The following UBE2J1 variants were observed in gnomAD, a reference collection of about 807,000 sequenced individuals.
UBE2J1 encodes ubiquitin-conjugating enzyme E2 J1.
In UBE2J1, 17 loss-of-function variants were observed where a neutral mutation model predicts 42.1. That is an observed-to-expected ratio of 0.40 (90% CI 0.28 to 0.61). The LOEUF is 0.61. UBE2J1 is among the 20% of genes least tolerant of loss of function. UBE2J1 has a pLI of 0.38. For synonymous variants in UBE2J1, 127 were observed against 137.2 expected, an observed-to-expected ratio of 0.93 and a Z score of 0.52; for missense variants, 291 against 389.4, an observed-to-expected ratio of 0.75 and a Z score of 2.13.
intron 6 of UBE2J1, among the ~76,000 whole-genome samples, chr6:89,334,274 A>G (rs1385073636): frequency 6.6e-6 from 1 of 152,126 alleles, no homozygotes; most frequent in African/African-American, 2.4e-5. Flanking sequence ...AAGTGCTGGG[A>G]TTACAGGCGT....
intron 1 of UBE2J1, among the ~76,000 whole-genome samples, chr6:89,350,338 G>A (rs1768448409): frequency 6.6e-6 from 1 of 152,080 alleles, no homozygotes; most frequent in Admixed American, 6.5e-5. Context: ...TGTTTGTCTG[G>A]TATGTTGGTA....
At chr6:89,349,854 A>T (rs1485144994) in intron 1 of UBE2J1, among the ~76,000 whole-genome samples, 1 of 152,122 alleles carries the variant, frequency 6.6e-6, no homozygotes, top group Non-Finnish European at 1.5e-5. Flanking sequence ...GCACATGTCA[A>T]TGGCCCCCTG....
intron 5 of UBE2J1, among the ~76,000 whole-genome samples, chr6:89,337,078 C>A (rs561203941): frequency 2.0e-5 from 3 of 152,082 alleles, no homozygotes; most frequent in Non-Finnish European, 4.4e-5. Flanking sequence ...TGAACTCAAG[C>A]AATCCACCTG....
chr6:89,352,495 G>C (rs1021935727), intron 1 of UBE2J1, 44 bp downstream of exon 1: 2 of 1,544,312 alleles, frequency 1.3e-6, no homozygotes, highest in Non-Finnish European at 1.7e-6. Flanking sequence ...CCGGGGTCCA[G>C]GGTCACTCCG....
chr6:89,346,661 T>G (rs1026419465), intron 1 of UBE2J1, among the ~76,000 whole-genome samples: 2 of 149,666 alleles, frequency 1.3e-5, no homozygotes, highest in East Asian at 4.1e-4. Context: ...CCCCCTACAG[T>G]GCTTGGAGAT....
intron 1 of UBE2J1, among the ~76,000 whole-genome samples, chr6:89,344,731 C>T (rs1450255800): frequency 1.3e-5 from 2 of 152,222 alleles, no homozygotes; most frequent in Admixed American, 6.5e-5. Context: ...TTCCACCTAG[C>T]ACTCCAAGAT....
intron 7 of UBE2J1, 145 bp downstream of exon 7, chr6:89,332,941 T>C (rs1768036319): frequency 3.3e-6 from 2 of 599,006 alleles, no homozygotes; most frequent in South Asian, 3.4e-5. Context: ...CTCAACATAA[T>C]AATTCATTAG....
intron 5 of UBE2J1, among the ~76,000 whole-genome samples, chr6:89,337,084 A>G (rs1582481500): frequency 1.3e-5 from 2 of 151,842 alleles, no homozygotes; most frequent in South Asian, 4.2e-4. Flanking sequence ...CAAGCAATCC[A>G]CCTGTCTTGG....
chr6:89,349,380 A>T (rs1488784595), intron 1 of UBE2J1, among the ~76,000 whole-genome samples: 1 of 152,168 alleles, frequency 6.6e-6, no homozygotes, highest in Non-Finnish European at 1.5e-5. Context: ...AAATTTTTCA[A>T]TTTGGGGGTA....
chr6:89,344,071 C>G (rs558890131), intron 1 of UBE2J1, among the ~76,000 whole-genome samples: 1 of 152,066 alleles, frequency 6.6e-6, no homozygotes, highest in East Asian at 1.9e-4. Flanking sequence ...TCATTTAACC[C>G]TTAATACAAC....
rs1055012433 is a variant in UBE2J1 at position 89,352,562 on chromosome 6, G to T, written c.8C>A (p.Thr3Asn). 1.3e-6 allele frequency: 2 copies of T among 1,571,930 alleles called. No individual in the cohort carries two copies. Among genetic ancestry groups the T allele is most frequent in the Non-Finnish European group, 1.7e-6 (2 of 1,165,506 alleles). Residue 3 changes from threonine to asparagine, a missense_variant, in exon 1 of 8, where the codon ACC (threonine) becomes AAC (asparagine). Coordinates refer to ENST00000435041, the MANE Select transcript of UBE2J1 (RefSeq NM_016021.3). ...ACCCGGACTCTTCAGGTTGTAGCGG[G>T]TCTCCATGGTGGGTCGCTGGCTTGG... METRYNLKSPAVK... is the reference protein window; with the variant it reads MENRYNLKSPAVK...
intron 3 of UBE2J1, 22 bp from the exon 4 acceptor site, chr6:89,338,565 T>C: frequency 2.1e-6 from 3 of 1,457,178 alleles, no homozygotes; most frequent in Non-Finnish European, 2.8e-6. Flanking sequence ...ACAATGCATT[T>C]AGAAAATTAA....
chr6:89,334,733 G>T (rs1768077948), intron 6 of UBE2J1, among the ~76,000 whole-genome samples: 1 of 152,144 alleles, frequency 6.6e-6, no homozygotes, highest in Non-Finnish European at 1.5e-5. Flanking sequence ...CTCCCAAAGT[G>T]CTGGGATTAC....
chr6:89,350,355 G>A lies in UBE2J1; in HGVS notation c.31+2184C>T, dbSNP rs184811112. The stretch of plus-strand genomic sequence containing the variant: ...TTTGTCTGGTATGTTGGTATTTTAC[G>A]TGTGTGTGTGTGTGCACCCTGCCAT... On this transcript the variant is annotated intron_variant, in intron 1 of 7. Transcript: ENST00000435041. Among the ~76,000 whole-genome samples, 58 of 149,792 alleles carry A rather than the reference G, an allele frequency of 3.9e-4. No individual in the cohort carries two copies. In the South Asian group the frequency reaches 6.3e-3, roughly 16 times the overall value.
rs776800982 is a variant in UBE2J1 at position 89,333,087 on chromosome 6, G to T, written c.677C>A (p.Ser226Ter). ...TATATTAAAAGATAAGAGCCATACC[G>T]ATGTACTGGCCGTAGCACCCTGGAA... ...TTFQGATAST[S>*]YGLQNSSAAS... The change falls in exon 7 of 8, where the codon TCG becomes TAG. Residue 226 changes from serine (S) to a stop codon, truncating the protein, a stop_gained and splice_region_variant. Transcript: ENST00000435041. LOFTEE classifies it high-confidence loss of function. 1 of 1,606,710 alleles carries T rather than the reference G, an allele frequency of 6.2e-7. No homozygotes were observed. The highest frequency in any genetic ancestry group is 1.1e-5 in the South Asian group (1 of 89,436).
At chr6:89,350,011 G>GATCCACAGACAACTACTGACAA (rs1768439959) in intron 1 of UBE2J1, among the ~76,000 whole-genome samples, 1 of 151,240 alleles carries the variant, frequency 6.6e-6, no homozygotes, top group Non-Finnish European at 1.5e-5. Flanking sequence ...CAAGTAGCAT[G>GATCCACAGACAACTACTGACAA]ATCCATAGAC....
At chr6:89,352,345 G>T (rs1276903124) in intron 1 of UBE2J1, among the ~76,000 whole-genome samples, 194 bp downstream of exon 1, 3 of 152,118 alleles carry the variant, frequency 2.0e-5, no homozygotes, top group East Asian at 3.9e-4. Flanking sequence ...CCGGCCGGGG[G>T]ATTGGCAGCG....
chr6:89,350,050 T>TAGACAACTACTGACAACTACCAC (rs1470598394), intron 1 of UBE2J1, among the ~76,000 whole-genome samples: 1 of 152,184 alleles, frequency 6.6e-6, no homozygotes, highest in Non-Finnish European at 1.5e-5. Context: ...AGCAGATCCA[T>TAGACAACTACTGACAACTACCAC]AGACAACTAC....
At chr6:89,330,063 G>A in intron 7 of UBE2J1, 106 bp from the exon 8 acceptor site, 1 of 1,078,508 alleles carries the variant, frequency 9.3e-7, no homozygotes, top group Non-Finnish European at 1.4e-6. Context: ...ATATGACTAA[G>A]GGCAACACTA....
Sources: gnomAD v4.1 joint callset for allele counts (sites outside exome capture counted in the v4.1 genomes callset) on GRCh38, gnomAD v4.1.1 for gene constraint, MANE v1.5 for transcripts, NCBI Gene and HGNC (gene_info 2026-07-23, HGNC 2026-07-21) for gene names.